Variants in UNC13C observed in about 807,000 individuals in gnomAD.
UNC13C encodes protein unc-13 homolog C.
Under a neutral mutation model 245.4 loss-of-function variants are expected in UNC13C, and 174 were observed. The ratio of observed to expected loss-of-function variants is 0.71; its 90% confidence interval spans 0.63 to 0.80. The LOEUF (loss-of-function observed/expected upper bound fraction) is 0.80. Ranked by LOEUF, UNC13C falls within the 30% of genes least tolerant of loss-of-function variation. The probability of loss-of-function intolerance (pLI) is 0.00; values close to 1 mark genes in which losing one functional copy is unlikely to be tolerated. For synonymous variants in UNC13C, 992 were observed against 895.1 expected (o/e 1.11, Z -1.93); for missense variants, 2,829 against 2,602.9 (o/e 1.09, Z -1.89).
intron 1 of UNC13C, among the ~76,000 whole-genome samples, chr15:53,984,920 T>C (rs747627535): frequency 2.0e-5 from 3 of 152,150 alleles, no homozygotes; most frequent in Non-Finnish European, 4.4e-5. Context: ...TAAGCTTATA[T>C]GTATTTTCCA....
chr15:54,593,462 T>C (rs1898910462), intron 30 of UNC13C, among the ~76,000 whole-genome samples: 1 of 152,118 alleles, frequency 6.6e-6, no homozygotes, highest in Non-Finnish European at 1.5e-5. Flanking sequence ...TTAGGTTTGG[T>C]CATTTAACAT....
At chr15:54,019,574 C>A (rs143507337) in intron 2 of UNC13C, among the ~76,000 whole-genome samples, 16 of 152,212 alleles carry the variant, frequency 1.1e-4, no homozygotes, top group African/African-American at 3.9e-4. Context: ...CAGAACCTGA[C>A]GTCAGTTTGA....
At chr15:54,511,711 T>TA (rs1435985801) in intron 23 of UNC13C, 42 bp from the exon 24 acceptor site, 1 of 1,380,886 alleles carries the variant, frequency 7.2e-7, no homozygotes, top group Admixed American at 2.1e-5. Flanking sequence ...TAATTTTATA[T>TA]AAAAAGATTG....
intron 2 of UNC13C, among the ~76,000 whole-genome samples, chr15:54,024,958 T>G (rs972395050): frequency 6.6e-6 from 1 of 152,120 alleles, no homozygotes; most frequent in African/African-American, 2.4e-5. Flanking sequence ...CTATGGAATT[T>G]TGCTAACCAC....
At chr15:53,867,823 A>C in the UNC13C span, among the ~76,000 whole-genome samples, 12 of 152,154 alleles carry the variant, frequency 7.9e-5, no homozygotes, top group South Asian at 2.3e-3. Context: ...TTAAATAACA[A>C]ATTTTGTTTT....
intron 30 of UNC13C, among the ~76,000 whole-genome samples, chr15:54,576,498 T>G (rs1897960937): frequency 6.6e-6 from 1 of 152,204 alleles, no homozygotes. Context: ...CTTCCTCTGC[T>G]CCCCAGTTTC....
the UNC13C span, among the ~76,000 whole-genome samples, chr15:53,837,989 A>G: frequency 4.1e-3 from 618 of 152,254 alleles, 8 homozygotes; most frequent in African/African-American, 0.014. Context: ...TAATCTTACT[A>G]TTTTGTTGAA....
At chr15:54,292,807 T>A (rs1162565089) in intron 10 of UNC13C, among the ~76,000 whole-genome samples, 1 of 150,864 alleles carries the variant, frequency 6.6e-6, no homozygotes, top group African/African-American at 2.4e-5. Context: ...TGCTGTGGTT[T>A]GTTGCCTATA....
In UNC13C at chr15:54,025,880, C is replaced by T. The variant is rs186810286; in HGVS notation, c.2983+9994C>T. ...TGTTGACCGCATATAATCATGGCAACAAGAAATGACAGCTTGAATATAATC... is the reference window on the plus strand; with the variant it reads ...TGTTGACCGCATATAATCATGGCAATAAGAAATGACAGCTTGAATATAATC... On this transcript the variant is annotated intron_variant, in intron 2 of 32. Transcript: ENST00000260323. 3.7e-3 allele frequency among the ~76,000 whole-genome samples: 559 copies of T among 152,246 alleles called. 1 individual carries two copies. Among genetic ancestry groups the T allele is most frequent in the Non-Finnish European group, 6.9e-3 (472 of 68,002 alleles).
intron 24 of UNC13C, among the ~76,000 whole-genome samples, chr15:54,518,768 T>C (rs1895089250): frequency 6.6e-6 from 1 of 152,108 alleles, no homozygotes; most frequent in South Asian, 2.1e-4. Context: ...CGCTGAGCAG[T>C]GGTTTATAAC....
intron 1 of UNC13C, among the ~76,000 whole-genome samples, chr15:53,982,408 TG>T (rs1457682751): frequency 1.3e-5 from 2 of 150,838 alleles, no homozygotes; most frequent in Non-Finnish European, 3.0e-5. Context: ...GAGCAGTGAT[TG>T]GACAGAGTGG....
intron 17 of UNC13C, among the ~76,000 whole-genome samples, chr15:54,379,579 C>CTA (rs2039677229): frequency 6.6e-6 from 1 of 152,028 alleles, no homozygotes; most frequent in Non-Finnish European, 1.5e-5. Flanking sequence ...AAGAGCAGTG[C>CTA]TATGTATGTA....
At chr15:54,144,170 A>C (rs921102815) in intron 4 of UNC13C, among the ~76,000 whole-genome samples, 1 of 152,180 alleles carries the variant, frequency 6.6e-6, no homozygotes, top group Non-Finnish European at 1.5e-5. Context: ...CACAAAAATA[A>C]TGTATGAAAT....
At chr15:54,418,409 C>T (rs113383985) in intron 19 of UNC13C, among the ~76,000 whole-genome samples, 12 of 152,084 alleles carry the variant, frequency 7.9e-5, no homozygotes, top group Non-Finnish European at 1.5e-4. Flanking sequence ...GGAGAATAGA[C>T]GTTGAGAAGC....
chr15:54,038,285 C>G (rs1403924115), intron 2 of UNC13C, among the ~76,000 whole-genome samples: 2 of 150,998 alleles, frequency 1.3e-5, no homozygotes, highest in African/African-American at 4.9e-5. Context: ...GCACGTGCAA[C>G]AATGCCTGGC....
chr15:54,228,209 TGTG>T (rs1048073413), intron 4 of UNC13C, among the ~76,000 whole-genome samples: 5 of 152,178 alleles, frequency 3.3e-5, no homozygotes, highest in African/African-American at 1.2e-4. Context: ...TTCGTCAGCT[TGTG>T]GTGAATACTG....
At chr15:54,060,305 A>G (rs1172919195) in intron 2 of UNC13C, among the ~76,000 whole-genome samples, 7 of 152,224 alleles carry the variant, frequency 4.6e-5, no homozygotes, top group African/African-American at 1.7e-4. Flanking sequence ...AAAGTGGGCA[A>G]AGGATATGAA....
At chr15:54,040,115 G>A (rs1456234927) in intron 2 of UNC13C, among the ~76,000 whole-genome samples, 2 of 151,906 alleles carry the variant, frequency 1.3e-5, no homozygotes, top group Non-Finnish European at 2.9e-5. Context: ...CAATCACTCT[G>A]TTCTAGTCAC....
At chr15:54,359,586 G>T (rs2039180818) in intron 17 of UNC13C, among the ~76,000 whole-genome samples, 1 of 151,730 alleles carries the variant, frequency 6.6e-6, no homozygotes, top group African/African-American at 2.4e-5. Context: ...ATGTGTTCAG[G>T]AATTTATACA....
Sources: allele counts gnomAD v4.1 joint callset (sites outside exome capture counted in the v4.1 genomes callset), GRCh38; gene constraint gnomAD v4.1.1; transcripts MANE v1.5; gene names NCBI Gene and HGNC (gene_info 2026-07-23, HGNC 2026-07-21).